The following ASF1A variants were observed in gnomAD, a reference collection of about 807,000 sequenced individuals.
ASF1A encodes anti-silencing function 1A histone chaperone.
ASF1A carries 5 observed loss-of-function variants against 22.0 expected under a neutral mutation model. The observed-to-expected ratio is 0.23, with a 90% CI of 0.12 to 0.48. ASF1A has a LOEUF of 0.48. ASF1A is among the 20% of genes least tolerant of loss of function. ASF1A has a pLI of 0.99. For synonymous variants in ASF1A, 97 were observed against 86.7 expected, an observed-to-expected ratio of 1.12 and a Z score of -0.66; for missense variants, 137 against 240.6, an observed-to-expected ratio of 0.57 and a Z score of 2.85.
At chr6:118,904,523 C>T (rs1780037622) in intron 2 of ASF1A, among the ~76,000 whole-genome samples, 1 of 152,236 alleles carries the variant, frequency 6.6e-6, no homozygotes, top group South Asian at 2.1e-4. Flanking sequence ...GTTCCCCAGT[C>T]TGGCTCCTTC....
At chr6:118,906,871 T>A (rs1583623210) in intron 3 of ASF1A, among the ~76,000 whole-genome samples, 1 of 152,306 alleles carries the variant, frequency 6.6e-6, no homozygotes, top group East Asian at 1.9e-4. Context: ...GGCCGGACTA[T>A]TTTTCACCCT....
Position 118,894,371 on chromosome 6 carries a change from C to G in ASF1A, c.-43C>G, listed in dbSNP as rs780570312. On this transcript the variant is annotated 5_prime_UTR_variant, in exon 1 of 4. Coordinates refer to ENST00000229595, the MANE Select transcript of ASF1A (RefSeq NM_014034.3). ...GGCCGCGCGCTGGACTTTATTGTGC[C>G]GCAACCAGCCCCAGTTCCCATTGTT... 6.5e-5 allele frequency: 100 copies of G among 1,535,726 alleles called. No individual in the cohort carries two copies. Among genetic ancestry groups the G allele is most frequent in the Middle Eastern group, 1.7e-4 (1 of 6,004 alleles).
chr6:118,898,975 A>G (rs1779620188), intron 1 of ASF1A, among the ~76,000 whole-genome samples: 1 of 152,180 alleles, frequency 6.6e-6, no homozygotes. Flanking sequence ...TCTGCTTAGA[A>G]GCAGACATCT....
intron 1 of ASF1A, among the ~76,000 whole-genome samples, chr6:118,897,074 A>T (rs1164916728): frequency 1.3e-5 from 2 of 152,158 alleles, no homozygotes; most frequent in Non-Finnish European, 2.9e-5. Context: ...CCTGGGCTCA[A>T]GCAGTCCTCC....
intron 1 of ASF1A, among the ~76,000 whole-genome samples, chr6:118,897,824 GT>G (rs1779533112): frequency 6.6e-6 from 1 of 150,696 alleles, no homozygotes; most frequent in African/African-American, 2.5e-5. Context: ...TGAAAGCTGG[GT>G]TAAAAAAAAA....
chr6:118,901,778 C>T (rs1193834210), intron 2 of ASF1A, among the ~76,000 whole-genome samples: 23 of 152,214 alleles, frequency 1.5e-4, no homozygotes, highest in Non-Finnish European at 2.8e-4. Flanking sequence ...CAGCAATGTC[C>T]CATCAGTTAA....
Position 118,908,380 on chromosome 6 carries a change from TTAAGAA to T in ASF1A, c.*769_*774del, listed in dbSNP as rs1780314221. ...GGGAGAAAATACAAACTCCCTGTGT[TTAAGAA>T]TAGGGGATTACAATGGCTCAAATTG... On this transcript the variant is annotated 3_prime_UTR_variant, in exon 4 of 4. Transcript: ENST00000229595. 6.6e-6 allele frequency: 1 copy of T among 152,118 alleles called. No individual in the cohort carries two copies. Among genetic ancestry groups the T allele is most frequent in the African/African-American group, 2.4e-5 (1 of 41,426 alleles). The allele number at this position is 152,118 out of a possible 1,614,324, so 9.4% of individuals were successfully genotyped here.
Position 118,908,675 on chromosome 6 carries a change from A to G in ASF1A, c.*1061A>G, listed in dbSNP as rs9489539. ...TTTTCCAACAAATCTTTGAAAAGCA[A>G]TCTTGGAAAGGAATTCATTAACTAA... On this transcript the variant is annotated 3_prime_UTR_variant, in exon 4 of 4. Transcript: ENST00000229595. 0.057 allele frequency: 8,726 copies of G among 152,380 alleles called. 360 individuals are homozygous for G. The highest frequency in any genetic ancestry group is 0.19 in the East Asian group (980 of 5,174). 9.4% of individuals were successfully genotyped at this position (152,380 alleles called of 1,614,324 possible).
In ASF1A at chr6:118,905,792, A is replaced by G; in HGVS notation, c.366A>G (p.Leu122=). The change falls in exon 3 of 4, where the codon TTA becomes TTG. Residue 122 remains leucine, a synonymous_variant. Transcript: ENST00000229595. ...YVNNEYTETE[L]RENPPVKPDF... is the part of the protein sequence containing the mutation. ...ATAATGAATATACTGAGACAGAATT[A>G]AGGGAAAATCCACCAGTAAAACCAG... 6.2e-7 allele frequency: 1 copy of G among 1,610,286 alleles called. No individual in the cohort carries two copies. Among genetic ancestry groups the G allele is most frequent in the South Asian group, 1.1e-5 (1 of 90,368 alleles).
At position 118,894,179 on chromosome 6, in the gene ASF1A, A is replaced by G; in HGVS notation, c.-235A>G. The G allele has an allele frequency of 1.6e-6, 2 of 1,289,668 alleles. No individual in the cohort carries two copies. Among genetic ancestry groups the G allele is most frequent in the Non-Finnish European group, 2.0e-6 (2 of 1,015,820 alleles). The allele number at this position is 1,289,668 out of a possible 1,614,324, so 79.9% of individuals were successfully genotyped here. A position where few individuals can be genotyped will look rare whatever the true frequency, so the allele number is the denominator to read the frequency against. ...AACTCGGGTGCAGCCAATCGAGGGC[A>G]ACGCTGCTACTTATCAGAGCAGAAT... is the stretch of plus-strand genomic sequence containing the variant. On this transcript the variant is annotated 5_prime_UTR_variant, in exon 1 of 4. Coordinates refer to ENST00000229595, the MANE Select transcript of ASF1A (RefSeq NM_014034.3).
intron 1 of ASF1A, among the ~76,000 whole-genome samples, chr6:118,895,033 C>T (rs1024621527): frequency 6.6e-6 from 1 of 152,182 alleles, no homozygotes; most frequent in African/African-American, 2.4e-5. Flanking sequence ...CTGCCCCCGG[C>T]GAAAGGCAGG....
chr6:118,897,838 C>CA (rs1779536300), intron 1 of ASF1A, among the ~76,000 whole-genome samples: 2 of 146,828 alleles, frequency 1.4e-5, no homozygotes, highest in East Asian at 3.9e-4. Flanking sequence ...AAAAAAAAAA[C>CA]AACAAAAAAA....
At chr6:118,906,464 A>G (rs1274832766) in intron 3 of ASF1A, among the ~76,000 whole-genome samples, 1 of 152,144 alleles carries the variant, frequency 6.6e-6, no homozygotes, top group Non-Finnish European at 1.5e-5. Flanking sequence ...GTTCATTTCA[A>G]CCTTTAGGAC....
chr6:118,901,026 T>TA, intron 2 of ASF1A, 145 bp downstream of exon 2: 1 of 614,210 alleles, frequency 1.6e-6, no homozygotes, highest in Non-Finnish European at 2.9e-6. Flanking sequence ...CCATCATGTT[T>TA]TAGGCAGTCT....
chr6:118,900,203 G>A (rs765256194), intron 1 of ASF1A, among the ~76,000 whole-genome samples: 3 of 152,144 alleles, frequency 2.0e-5, no homozygotes, highest in East Asian at 1.9e-4. Context: ...ACCATTGTTC[G>A]TTGACAGTTG....
chr6:118,900,706 G>T, intron 1 of ASF1A, 60 bp from the exon 2 acceptor site: 1 of 1,203,180 alleles, frequency 8.3e-7, no homozygotes, highest in Non-Finnish European at 1.2e-6. Context: ...AAGGGTCTTT[G>T]ATGTCATCTG....
chr6:118,894,893 C>T (rs74184761), intron 1 of ASF1A, among the ~76,000 whole-genome samples: 2 of 152,024 alleles, frequency 1.3e-5, no homozygotes, highest in African/African-American at 4.8e-5. Context: ...GGCCCGAGCA[C>T]GGAGGCTGGG....
At chr6:118,906,142 G>T (rs138937308) in intron 3 of ASF1A, among the ~76,000 whole-genome samples, 2 of 152,146 alleles carry the variant, frequency 1.3e-5, no homozygotes, top group African/African-American at 4.8e-5. Context: ...GCATGATCTC[G>T]GCTCACTGCA....
intron 1 of ASF1A, among the ~76,000 whole-genome samples, chr6:118,899,477 T>C (rs1282113130): frequency 6.6e-6 from 1 of 152,170 alleles, no homozygotes; most frequent in Non-Finnish European, 1.5e-5. Context: ...GCGAGATACT[T>C]ATATTGCCTA....
Sources: allele counts gnomAD v4.1 joint callset (sites outside exome capture counted in the v4.1 genomes callset), GRCh38; gene constraint gnomAD v4.1.1; transcripts MANE v1.5; gene names NCBI Gene and HGNC (gene_info 2026-07-23, HGNC 2026-07-21).